The following LTBP1 variants were observed in gnomAD, a reference collection of about 807,000 sequenced individuals.
LTBP1 encodes latent transforming growth factor beta binding protein 1.
In LTBP1, 129 loss-of-function variants were observed where a neutral mutation model predicts 207.6. That is an observed-to-expected ratio of 0.62 (90% confidence interval 0.54 to 0.72). LTBP1 has a LOEUF of 0.72. LTBP1 is among the 30% of genes least tolerant of loss of function. The probability of loss-of-function intolerance (pLI) is 0.00; values close to 1 mark genes in which losing one functional copy is unlikely to be tolerated. For synonymous variants in LTBP1, 963 were observed against 833.7 expected, an observed-to-expected ratio of 1.16 and a Z score of -2.67; for missense variants, 2,281 against 2,217.2, an observed-to-expected ratio of 1.03 and a Z score of -0.58.
intron 22 of LTBP1, among the ~76,000 whole-genome samples, chr2:33,302,695 A>G (rs2094008129): frequency 6.6e-6 from 1 of 152,094 alleles, no homozygotes. Context: ...TCAGTAAATC[A>G]ACTTCTAAGA....
At chr2:33,141,454 A>ATATAGTATTACC (rs1465123078) in intron 5 of LTBP1, among the ~76,000 whole-genome samples, 1 of 152,256 alleles carries the variant, frequency 6.6e-6, no homozygotes, top group African/African-American at 2.4e-5. Flanking sequence ...CAATTATAAA[A>ATATAGTATTACC]ACACATTTTA....
chr2:32,965,323 A>G (rs1001548237), intron 2 of LTBP1, among the ~76,000 whole-genome samples: 3 of 152,214 alleles, frequency 2.0e-5, no homozygotes. Flanking sequence ...ACAATCGATG[A>G]ACCCCTATAT....
chr2:33,287,598 T>A (rs965407517), intron 19 of LTBP1, among the ~76,000 whole-genome samples: 1 of 152,188 alleles, frequency 6.6e-6, no homozygotes, highest in African/African-American at 2.4e-5. Context: ...AAAATGCTCC[T>A]TTGGAAAGGT....
intron 2 of LTBP1, among the ~76,000 whole-genome samples, chr2:32,963,835 C>T (rs1679526980): frequency 2.0e-5 from 3 of 152,064 alleles, no homozygotes; most frequent in Admixed American, 2.0e-4. Flanking sequence ...CACAAGCACC[C>T]ATCTGACTGA....
At chr2:33,243,371 A>G (rs1455559493) in intron 9 of LTBP1, among the ~76,000 whole-genome samples, 1 of 152,226 alleles carries the variant, frequency 6.6e-6, no homozygotes, top group Non-Finnish European at 1.5e-5. Context: ...AATGCCTAAC[A>G]TAAACTAACA....
At chr2:33,121,662 T>C (rs2081130218) in intron 4 of LTBP1, among the ~76,000 whole-genome samples, 1 of 152,220 alleles carries the variant, frequency 6.6e-6, no homozygotes, top group South Asian at 2.1e-4. Flanking sequence ...GGAGCGCGCA[T>C]CTGCTTTACT....
chr2:33,311,535 G>GAAAAA (rs11450471), intron 23 of LTBP1, among the ~76,000 whole-genome samples: 5,353 of 138,148 alleles, frequency 0.039, 326 homozygotes, highest in African/African-American at 0.12. Flanking sequence ...CCAAGAGATG[G>GAAAAA]AAAAAAAAAA....
At chr2:32,962,018 G>A (rs530365278) in intron 2 of LTBP1, among the ~76,000 whole-genome samples, 2 of 151,538 alleles carry the variant, frequency 1.3e-5, no homozygotes, top group African/African-American at 4.8e-5. Flanking sequence ...TATTAATAAG[G>A]TTTTTATGAC....
chr2:33,376,762 C>G (rs1416589837), intron 31 of LTBP1, among the ~76,000 whole-genome samples: 4 of 152,088 alleles, frequency 2.6e-5, no homozygotes, highest in African/African-American at 9.7e-5. Context: ...CTGAGATTCC[C>G]TAGTAGATCA....
chr2:33,219,723 A>C (rs1240843065), intron 8 of LTBP1, among the ~76,000 whole-genome samples: 1 of 151,482 alleles, frequency 6.6e-6, no homozygotes, highest in East Asian at 1.9e-4. Context: ...CATCTGTCTT[A>C]TTTTTCTTTT....
chr2:33,377,336 C>T (rs190785552), intron 31 of LTBP1, among the ~76,000 whole-genome samples: 6 of 152,324 alleles, frequency 3.9e-5, no homozygotes, highest in African/African-American at 1.4e-4. Context: ...ATTGAAGCTA[C>T]TGCCTCAGTG....
chr2:33,143,674 C>T (rs1002827848), intron 5 of LTBP1, among the ~76,000 whole-genome samples: 2 of 152,156 alleles, frequency 1.3e-5, no homozygotes, highest in African/African-American at 4.8e-5. Context: ...TACAGCTGTT[C>T]CTGCTGCACA....
chr2:32,956,323 C>T (rs937138115), intron 2 of LTBP1, among the ~76,000 whole-genome samples: 2 of 152,160 alleles, frequency 1.3e-5, no homozygotes, highest in East Asian at 1.9e-4. Flanking sequence ...AAACTGGAGT[C>T]GGTCTTCTCA....
intron 31 of LTBP1, among the ~76,000 whole-genome samples, chr2:33,383,939 G>A (rs145519193): frequency 1.3e-5 from 2 of 152,284 alleles, no homozygotes; most frequent in East Asian, 3.9e-4. Context: ...GCCCTGATGT[G>A]TGCAAAACGA....
chr2:33,378,183 ATATGTGTGTGTGTGTG>A (rs1334013109), intron 31 of LTBP1, among the ~76,000 whole-genome samples: 4 of 136,360 alleles, frequency 2.9e-5, no homozygotes, highest in South Asian at 2.3e-4. Context: ...ATATATATAT[ATATGTGTGTGTGTGTG>A]TGTGTGTGTG....
At chr2:33,043,215 C>T (rs1341705600) in intron 3 of LTBP1, among the ~76,000 whole-genome samples, 2 of 152,084 alleles carry the variant, frequency 1.3e-5, no homozygotes, top group African/African-American at 2.4e-5. Flanking sequence ...ATTAGGTATA[C>T]ATTAAAGTAG....
chr2:33,312,499 A>T (rs968484978), intron 23 of LTBP1, among the ~76,000 whole-genome samples: 5 of 152,202 alleles, frequency 3.3e-5, no homozygotes, highest in African/African-American at 1.2e-4. Flanking sequence ...TACGCATGCC[A>T]AATTATGAAT....
rs574859128 is a variant in LTBP1, at chr2:33,024,738, G to A, written c.863+3532G>A. On this transcript the variant is annotated intron_variant, in intron 3 of 33. Coordinates refer to ENST00000404816, the MANE Select transcript of LTBP1 (RefSeq NM_206943.4). ...ATACATACAACTGGAGGAGAAGGGT[G>A]TATCCAGGGGAGGCAATGATGTGAG... is the stretch of plus-strand genomic sequence containing the variant. 6.6e-5 allele frequency among the ~76,000 whole-genome samples: 10 copies of A among 152,318 alleles called. No individual in the cohort carries two copies. The South Asian group carries it at 1.7e-3, about 25-fold the overall frequency.
At chr2:33,306,220 C>T (rs2094090406) in intron 22 of LTBP1, among the ~76,000 whole-genome samples, 1 of 152,216 alleles carries the variant, frequency 6.6e-6, no homozygotes. Context: ...TTTTCCCTCA[C>T]ATTCATTATT....
Sources: gnomAD v4.1 joint callset for allele counts (sites outside exome capture counted in the v4.1 genomes callset) on GRCh38, gnomAD v4.1.1 for gene constraint, MANE v1.5 for transcripts, NCBI Gene and HGNC (gene_info 2026-07-23, HGNC 2026-07-21) for gene names.